GSG1L: variants seen among roughly 807,000 people sequenced by gnomAD.
GSG1L encodes GSG1 like.
A neutral mutation model predicts 42.1 loss-of-function variants in GSG1L; 24 were observed. The ratio of observed to expected loss-of-function variants is 0.57; its 90% CI spans 0.41 to 0.80. The LOEUF (loss-of-function observed/expected upper bound fraction) is 0.80. Ranked by LOEUF, GSG1L falls within the 30% of genes least tolerant of loss-of-function variation. The pLI, the probability that GSG1L is intolerant of heterozygous loss-of-function variation, is 0.00. For missense variants in GSG1L, 445 were observed against 472.2 expected (o/e 0.94, Z 0.53); for synonymous variants, 215 against 203.5 (o/e 1.06, Z -0.48).
At chr16:27,856,574 AG>A (rs2083580253) in intron 3 of GSG1L, among the ~76,000 whole-genome samples, 1 of 152,238 alleles carries the variant, frequency 6.6e-6, no homozygotes, top group Admixed American at 6.5e-5. Flanking sequence ...AGCCTCTCAA[AG>A]TGCTGGGATT....
At chr16:27,887,135 T>G (rs558689865) in intron 2 of GSG1L, among the ~76,000 whole-genome samples, 1 of 151,978 alleles carries the variant, frequency 6.6e-6, no homozygotes, top group Non-Finnish European at 1.5e-5. Context: ...TTTATATTTT[T>G]TGTAGAGATG....
In GSG1L at chr16:28,018,086, G is replaced by A. The variant is rs1276416445; in HGVS notation, c.349+44990C>T. On this transcript the variant is annotated intron_variant, in intron 1 of 6. Coordinates refer to ENST00000447459, the MANE Select transcript of GSG1L (RefSeq NM_001109763.2). ...AAAATAGCCCCAGAAATATGATAGA[G>A]CCAGCACAACAAAATTCAAGCCTTT... Among the ~76,000 whole-genome samples the A allele has an allele frequency of 5.9e-5, 9 of 152,120 alleles. No homozygotes were observed. The East Asian group carries it at 1.5e-3, about 26-fold the overall frequency.
chr16:27,827,856 TTCCATCCATCCATCCATCCA>T (rs72231743), intron 5 of GSG1L, among the ~76,000 whole-genome samples: 31 of 128,376 alleles, frequency 2.4e-4, no homozygotes, highest in East Asian at 1.2e-3. Context: ...CCACTCACCA[TTCCATCCATCCATCCATCCA>T]TCCATCCATC....
At chr16:27,883,801 C>T (rs975569502) in intron 3 of GSG1L, among the ~76,000 whole-genome samples, 7 of 152,180 alleles carry the variant, frequency 4.6e-5, no homozygotes, top group African/African-American at 7.2e-5. Flanking sequence ...TCTGCTGCAG[C>T]GACCCTGGGC....
Position 27,827,854 on chromosome 16 carries a change from C to A in GSG1L, c.830+935G>T, listed in dbSNP as rs1042386208. On this transcript the variant is annotated intron_variant, in intron 5 of 6. Coordinates refer to ENST00000447459, the MANE Select transcript of GSG1L (RefSeq NM_001109763.2). Reference sequence around the variant, plus strand: ...TCCATCTACCCATCCACCCACTCACCATTCCATCCATCCATCCATCCATCC... The same window carrying A: ...TCCATCTACCCATCCACCCACTCACAATTCCATCCATCCATCCATCCATCC... Among the ~76,000 whole-genome samples, 8 of 128,422 alleles carry A rather than the reference C, an allele frequency of 6.2e-5. No individual in the cohort carries two copies. The South Asian group carries it at 1.8e-3, about 28-fold the overall frequency. 84.2% of individuals were successfully genotyped at this position (128,422 alleles called of 152,430 possible). A position where few individuals can be genotyped will look rare whatever the true frequency, so the allele number is the denominator to read the frequency against.
chr16:27,979,726 GGAAA>G (rs1305486428), intron 1 of GSG1L, among the ~76,000 whole-genome samples: 6 of 53,578 alleles, frequency 1.1e-4, no homozygotes, highest in African/African-American at 5.7e-4. Context: ...AAGGAAGGAA[GGAAA>G]GAAAAAGAAA....
rs533085447 is a variant in GSG1L at position 27,850,103 on chromosome 16, G to A, written c.551-5042C>T. ...GAGTGCAGTGGCATGATCTTGGGTC[G>A]CCACAACCTCTGCCTCCCGGGTTCA... is the stretch of plus-strand genomic sequence containing the variant. On this transcript the variant is annotated intron_variant, in intron 3 of 6. Transcript: ENST00000447459. 3.7e-3 allele frequency among the ~76,000 whole-genome samples: 492 copies of A among 133,086 alleles called. 7 individuals carry two copies. The highest frequency in any genetic ancestry group is 0.013 in the African/African-American group (448 of 34,200). The allele number at this position is 133,086 out of a possible 152,430, so 87.3% of individuals were successfully genotyped here.
chr16:27,910,595 G>A (rs1288787604), intron 2 of GSG1L, among the ~76,000 whole-genome samples: 1 of 152,194 alleles, frequency 6.6e-6, no homozygotes, highest in Non-Finnish European at 1.5e-5. Flanking sequence ...TATTGCCATG[G>A]ATGATGAACT....
intron 1 of GSG1L, among the ~76,000 whole-genome samples, chr16:28,002,107 G>A (rs1040523634): frequency 5.9e-5 from 9 of 152,302 alleles, no homozygotes; most frequent in East Asian, 1.9e-4. Context: ...TCAGTGGTGC[G>A]CAAGATGTGA....
intron 2 of GSG1L, among the ~76,000 whole-genome samples, chr16:27,886,908 G>T (rs2084037689): frequency 6.6e-6 from 1 of 151,916 alleles, no homozygotes; most frequent in South Asian, 2.1e-4. Flanking sequence ...AGGAACTACT[G>T]GGAAAGAGAA....
intron 6 of GSG1L, among the ~76,000 whole-genome samples, chr16:27,798,585 T>G (rs548624286): frequency 1.3e-5 from 2 of 152,158 alleles, no homozygotes; most frequent in African/African-American, 4.8e-5. Flanking sequence ...GCATCGCAGC[T>G]GCAGAAGTTG....
At chr16:27,892,913 T>G (rs919523995) in intron 2 of GSG1L, among the ~76,000 whole-genome samples, 1 of 151,994 alleles carries the variant, frequency 6.6e-6, no homozygotes, top group Non-Finnish European at 1.5e-5. Flanking sequence ...CGGGAACCAA[T>G]GCAGAATGCC....
In GSG1L at chr16:28,059,680, C is replaced by T. The variant is rs2086319411; in HGVS notation, c.349+3396G>A. Among the ~76,000 whole-genome samples the T allele has an allele frequency of 6.6e-6, 1 of 152,118 alleles. No individual in the cohort carries two copies. The highest frequency in any genetic ancestry group is 1.5e-5 in the Non-Finnish European group (1 of 68,032). ...CCCCACCACACTGACTAGAACGATG[C>T]TTGCTTCTGCTCCCCACCAAACCCC... On this transcript the variant is annotated intron_variant, in intron 1 of 6. Coordinates refer to ENST00000447459, the MANE Select transcript of GSG1L (RefSeq NM_001109763.2). This position sits in a 1 kb window ranked among gnomAD's most constrained non-coding sequence, Gnocchi z 4.4.
chr16:27,898,628 T>C (rs566801549), intron 2 of GSG1L, among the ~76,000 whole-genome samples: 1 of 151,966 alleles, frequency 6.6e-6, no homozygotes, highest in East Asian at 1.9e-4. Flanking sequence ...CAAGAAGTGA[T>C]CTCTCTCTAT....
intron 2 of GSG1L, among the ~76,000 whole-genome samples, chr16:27,954,614 CG>C (rs1260846214): frequency 6.6e-6 from 1 of 152,056 alleles, no homozygotes; most frequent in Non-Finnish European, 1.5e-5. Context: ...GAAAAAGCCT[CG>C]TGACAGTGCG....
At chr16:27,990,640 G>A (rs568781917) in intron 1 of GSG1L, among the ~76,000 whole-genome samples, 265 of 152,244 alleles carry the variant, frequency 1.7e-3, no homozygotes, top group Non-Finnish European at 3.3e-3. Flanking sequence ...GATATTTTGG[G>A]ACCTCAAGAA....
At chr16:27,795,313 T>C (rs913022519) in intron 6 of GSG1L, among the ~76,000 whole-genome samples, 2 of 152,210 alleles carry the variant, frequency 1.3e-5, no homozygotes, top group African/African-American at 4.8e-5. Context: ...CAAACTCTCC[T>C]CTTTTGGGTG....
At chr16:27,907,929 C>T (rs1482554683) in intron 2 of GSG1L, among the ~76,000 whole-genome samples, 1 of 152,214 alleles carries the variant, frequency 6.6e-6, no homozygotes, top group East Asian at 1.9e-4. Flanking sequence ...GTGACCTTGG[C>T]AATTGCATCT....
chr16:27,925,602 G>A (rs952283735), intron 2 of GSG1L, among the ~76,000 whole-genome samples: 3 of 152,162 alleles, frequency 2.0e-5, no homozygotes, highest in African/African-American at 7.2e-5. Context: ...AGAGAGGTGG[G>A]TGCAGGGAGG....
Sources: allele counts gnomAD v4.1 joint callset (sites outside exome capture counted in the v4.1 genomes callset), GRCh38; gene constraint gnomAD v4.1.1; non-coding constraint Gnocchi (gnomAD v3.1); transcripts MANE v1.5; gene names NCBI Gene and HGNC (gene_info 2026-07-23, HGNC 2026-07-21).